The following RBMS3 variants were observed in gnomAD, a reference collection of about 807,000 sequenced individuals.
RBMS3 encodes RNA binding motif single stranded interacting protein 3.
A neutral mutation model predicts 66.8 loss-of-function variants in RBMS3; 27 were observed. That is an observed-to-expected ratio of 0.40 (90% confidence interval 0.30 to 0.56). The LOEUF is 0.56. Among genes scored for constraint, RBMS3 ranks in the 20% least tolerant of loss-of-function variants. The pLI is 0.40. For missense variants in RBMS3, 513 were observed against 549.5 expected, an observed-to-expected ratio of 0.93 and a Z score of 0.66; for synonymous variants, 188 against 183.0, an observed-to-expected ratio of 1.03 and a Z score of -0.22.
At chr3:29,463,752 C>T (rs1349115317) in intron 2 of RBMS3, among the ~76,000 whole-genome samples, 4 of 152,092 alleles carry the variant, frequency 2.6e-5, no homozygotes, top group Admixed American at 6.5e-5. Context: ...ATCCTCATTA[C>T]TTAAAAATAC....
intron 12 of RBMS3, 139 bp from the exon 13 acceptor site, chr3:29,988,004 T>C: frequency 4.6e-6 from 3 of 654,138 alleles, no homozygotes; most frequent in Non-Finnish European, 7.9e-6. Context: ...AGCTGCCTTA[T>C]TTTTAGTGAA....
chr3:29,406,015 T>C (rs959185456), intron 1 of RBMS3, among the ~76,000 whole-genome samples: 4 of 152,166 alleles, frequency 2.6e-5, no homozygotes, highest in Non-Finnish European at 4.4e-5. Context: ...AGAACTAACA[T>C]AATTTCTGGA....
chr3:29,987,148 C>A (rs1698443544), intron 12 of RBMS3, among the ~76,000 whole-genome samples: 1 of 152,022 alleles, frequency 6.6e-6, no homozygotes, highest in African/African-American at 2.4e-5. Context: ...TTTTGATTTG[C>A]CACAAAAAAT....
intron 3 of RBMS3, among the ~76,000 whole-genome samples, chr3:29,535,393 T>A (rs1297598557): frequency 6.6e-6 from 1 of 152,170 alleles, no homozygotes; most frequent in East Asian, 1.9e-4. Flanking sequence ...AAGTTTTTCA[T>A]TATATGTTAA....
intron 1 of RBMS3, among the ~76,000 whole-genome samples, chr3:29,314,899 C>A (rs1021014985): frequency 2.0e-5 from 3 of 151,618 alleles, no homozygotes; most frequent in Non-Finnish European, 4.4e-5. Flanking sequence ...ATGCCAGTAG[C>A]TGGCATGAGA....
At chr3:29,801,381 C>G (rs1383177294) in intron 6 of RBMS3, among the ~76,000 whole-genome samples, 1 of 151,316 alleles carries the variant, frequency 6.6e-6, no homozygotes, top group Non-Finnish European at 1.5e-5. Flanking sequence ...GATTCTCCTG[C>G]CTCAGCCTCC....
chr3:29,819,760 CTA>C (rs2058023418), intron 6 of RBMS3, among the ~76,000 whole-genome samples: 1 of 152,092 alleles, frequency 6.6e-6, no homozygotes, highest in South Asian at 2.1e-4. Context: ...ATCAGATTTT[CTA>C]TGTCTAAATT....
intron 6 of RBMS3, among the ~76,000 whole-genome samples, chr3:29,780,856 G>C (rs554605735): frequency 2.0e-5 from 3 of 152,000 alleles, no homozygotes; most frequent in South Asian, 2.1e-4. Flanking sequence ...TGTTCTTGCT[G>C]TTTTCATTAT....
intron 2 of RBMS3, among the ~76,000 whole-genome samples, chr3:29,479,326 ATG>A (rs1369656647): frequency 4.0e-5 from 6 of 150,340 alleles, no homozygotes; most frequent in Non-Finnish European, 5.9e-5. Context: ...ATAATATACA[ATG>A]TATATATACA....
intron 10 of RBMS3, 112 bp from the exon 11 acceptor site, chr3:29,935,973 TA>T: frequency 1.1e-6 from 1 of 882,522 alleles, no homozygotes; most frequent in South Asian, 1.9e-5. Flanking sequence ...GCCTTTTTAG[TA>T]AAAAAGTAAA....
intron 1 of RBMS3, among the ~76,000 whole-genome samples, chr3:29,394,806 A>C (rs758985227): frequency 8.6e-5 from 13 of 152,008 alleles, no homozygotes; most frequent in Admixed American, 3.9e-4. Context: ...CTCTCCTGTT[A>C]CTTTTCTGGT....
intron 6 of RBMS3, among the ~76,000 whole-genome samples, chr3:29,868,411 C>A (rs1358280649): frequency 1.3e-5 from 2 of 152,106 alleles, no homozygotes; most frequent in African/African-American, 4.8e-5. Context: ...AATTTGATTG[C>A]AGTTAGCAAA....
At chr3:29,861,092 T>C (rs2059203822) in intron 6 of RBMS3, among the ~76,000 whole-genome samples, 1 of 152,232 alleles carries the variant, frequency 6.6e-6, no homozygotes, top group Non-Finnish European at 1.5e-5. Context: ...CTCGATCTTC[T>C]GACCTCGTGA....
At chr3:29,508,337 G>A (rs1481400100) in intron 3 of RBMS3, among the ~76,000 whole-genome samples, 1 of 152,088 alleles carries the variant, frequency 6.6e-6, no homozygotes, top group Non-Finnish European at 1.5e-5. Flanking sequence ...TTCTCCTAAT[G>A]CTATACCTCC....
At position 29,347,439 on chromosome 3, in the gene RBMS3, A is replaced by C. The variant is rs116522266; in HGVS notation, c.75+65683A>C. On this transcript the variant is annotated intron_variant, in intron 1 of 14. Transcript: ENST00000383767. ...AAAGGTCTAGGGGTTTGTTTATTTT[A>C]ATTTAATACAATGAAATACACTTGT... Among the ~76,000 whole-genome samples, 722 of 152,306 alleles carry C rather than the reference A, an allele frequency of 4.7e-3. 7 individuals are homozygous for C. The highest frequency in any genetic ancestry group is 0.017 in the African/African-American group (695 of 41,566).
intron 4 of RBMS3, among the ~76,000 whole-genome samples, chr3:29,708,007 G>T (rs1408855257): frequency 6.6e-6 from 1 of 152,186 alleles, no homozygotes; most frequent in East Asian, 1.9e-4. Flanking sequence ...AACATTACTG[G>T]TTACTGGTCG....
At chr3:29,460,035 T>C (rs926947734) in intron 2 of RBMS3, among the ~76,000 whole-genome samples, 10 of 152,228 alleles carry the variant, frequency 6.6e-5, no homozygotes, top group Non-Finnish European at 1.5e-4. Flanking sequence ...TTATGAATTA[T>C]TTTCTTGTAA....
At chr3:29,603,754 A>G (rs2048229354) in intron 4 of RBMS3, among the ~76,000 whole-genome samples, 2 of 152,018 alleles carry the variant, frequency 1.3e-5, no homozygotes, top group Admixed American at 1.3e-4. Flanking sequence ...AAGTGCAGAT[A>G]AGTAAGTAGG....
intron 4 of RBMS3, among the ~76,000 whole-genome samples, chr3:29,594,352 G>A (rs1358891432): frequency 6.6e-6 from 1 of 151,842 alleles, no homozygotes; most frequent in African/African-American, 2.4e-5. Context: ...TTGTTCTATT[G>A]TTGTACCAGT....
Sources: gnomAD v4.1 joint callset for allele counts (sites outside exome capture counted in the v4.1 genomes callset) on GRCh38, gnomAD v4.1.1 for gene constraint, MANE v1.5 for transcripts, NCBI Gene and HGNC (gene_info 2026-07-23, HGNC 2026-07-21) for gene names.